TENM3: variants seen among roughly 807,000 people sequenced by gnomAD.
The protein encoded by TENM3 is teneurin-3.
A neutral mutation model predicts 255.1 loss-of-function variants in TENM3; 63 were observed. The observed-to-expected ratio is 0.25, with a 90% CI of 0.20 to 0.30. The LOEUF (loss-of-function observed/expected upper bound fraction) is 0.30. Among genes scored for constraint, TENM3 ranks in the 10% least tolerant of loss-of-function variants. The pLI is 1.00. For synonymous variants in TENM3, 1,306 were observed against 1,322.3 expected (o/e 0.99, Z 0.27); for missense variants, 2,929 against 3,461.1 (o/e 0.85, Z 3.86).
intron 1 of TENM3, among the ~76,000 whole-genome samples, chr4:182,207,136 G>A (rs1754637877): frequency 6.6e-6 from 1 of 152,204 alleles, no homozygotes; most frequent in Non-Finnish European, 1.5e-5. Flanking sequence ...ATTATGCTAT[G>A]CTTCTGAGGG....
intron 3 of TENM3, among the ~76,000 whole-genome samples, chr4:182,520,392 G>A (rs578023461): frequency 6.6e-6 from 1 of 152,278 alleles, no homozygotes; most frequent in African/African-American, 2.4e-5. Context: ...TAGAATCCTT[G>A]GTGTCTAGAC....
At chr4:181,692,819 T>C in the TENM3 span, among the ~76,000 whole-genome samples, 1 of 152,182 alleles carries the variant, frequency 6.6e-6, no homozygotes, top group Non-Finnish European at 1.5e-5. Context: ...ATTTGCTTAA[T>C]AACACTCTTA....
chr4:182,365,147 G>A (rs1766339822), intron 3 of TENM3, among the ~76,000 whole-genome samples: 2 of 152,182 alleles, frequency 1.3e-5, no homozygotes. Flanking sequence ...GTATTCGTTT[G>A]ATTAGTGAGT....
At chr4:181,846,581 T>G in the TENM3 span, among the ~76,000 whole-genome samples, 42 of 152,236 alleles carry the variant, frequency 2.8e-4, no homozygotes, top group African/African-American at 9.9e-4. Context: ...AACAATTGTT[T>G]GAAGATTATT....
intron 1 of TENM3, among the ~76,000 whole-genome samples, chr4:182,151,359 CTAAT>C (rs766550898): frequency 1.8e-4 from 28 of 152,030 alleles, no homozygotes; most frequent in Non-Finnish European, 3.4e-4. Flanking sequence ...GAAAAGTAAA[CTAAT>C]TGTTTATTTT....
At chr4:182,165,753 G>A (rs1045898789) in intron 1 of TENM3, among the ~76,000 whole-genome samples, 5 of 152,116 alleles carry the variant, frequency 3.3e-5, no homozygotes, top group African/African-American at 1.2e-4. Context: ...TCTTTTTTGG[G>A]GGGTGAAGCA....
intron 1 of TENM3, among the ~76,000 whole-genome samples, chr4:182,230,559 C>T (rs7684505): frequency 0.01 from 1,567 of 151,878 alleles, 23 homozygotes; most frequent in African/African-American, 0.036. Flanking sequence ...GCTGTCACAG[C>T]GCTGGCGTTC....
Position 182,789,885 on chromosome 4 carries a change from C to T in TENM3, c.5601+496C>T, listed in dbSNP as rs1229891883. Among the ~76,000 whole-genome samples the T allele has an allele frequency of 1.3e-5, 2 of 152,192 alleles. No homozygotes were observed. The highest frequency in any genetic ancestry group is 2.9e-5 in the Non-Finnish European group (2 of 68,028). ...CGATTTTCTTAGAAAGCCACACTTT[C>T]GGGTACTCTGTGGCATCTTTCCTTT... On this transcript the variant is annotated intron_variant, in intron 25 of 27. Transcript: ENST00000511685. The surrounding 1 kb of genome is among the most constrained non-coding windows in gnomAD (Gnocchi z 4.4).
intron 3 of TENM3, among the ~76,000 whole-genome samples, chr4:182,439,999 A>T (rs1772338517): frequency 6.6e-6 from 1 of 151,528 alleles, no homozygotes; most frequent in Non-Finnish European, 1.5e-5. Context: ...TCGTTTACTC[A>T]TTGCCTCTGA....
the TENM3 span, among the ~76,000 whole-genome samples, chr4:181,673,113 A>G: frequency 6.6e-6 from 1 of 152,220 alleles, no homozygotes; most frequent in East Asian, 1.9e-4. Context: ...CACAGTAGTC[A>G]CTAAAGTGAA....
rs1761733641 is a variant in TENM3, at chr4:182,743,192, G to A, written c.3402G>A (p.Gly1134=). Residue 1134 remains glycine (G), a synonymous_variant, in exon 19 of 28, where the codon GGG becomes GGA. Transcript: ENST00000511685. ...TAGGTATACTGTACAAGGGAAACGG[G>A]GAAAACCAGTTCATCTCCCAGCAGC... ...VQNGILYKGN[G]ENQFISQQPP... is the part of the protein sequence containing the mutation. 1 of 1,613,288 alleles carries A rather than the reference G, an allele frequency of 6.2e-7. No individual in the cohort carries two copies. The highest frequency in any genetic ancestry group is 8.5e-7 in the Non-Finnish European group (1 of 1,179,286).
chr4:182,030,553 G>A, the TENM3 span, among the ~76,000 whole-genome samples: 1 of 152,166 alleles, frequency 6.6e-6, no homozygotes, highest in Admixed American at 6.5e-5. Flanking sequence ...ACCTGTGCAT[G>A]TATCTTTATA....
chr4:181,911,596 C>T, the TENM3 span, among the ~76,000 whole-genome samples: 8 of 152,124 alleles, frequency 5.3e-5, no homozygotes, highest in East Asian at 1.9e-4. Context: ...ATTTGAGCAA[C>T]GGTTAAAAGT....
the TENM3 span, among the ~76,000 whole-genome samples, chr4:181,878,651 G>T: frequency 6.6e-6 from 1 of 151,698 alleles, no homozygotes; most frequent in Admixed American, 6.6e-5. Flanking sequence ...TAAGATGATG[G>T]CTCATCTGTC....
At chr4:182,310,280 C>G (rs1762367805) in intron 1 of TENM3, among the ~76,000 whole-genome samples, 1 of 152,044 alleles carries the variant, frequency 6.6e-6, no homozygotes, top group African/African-American at 2.4e-5. Context: ...AGGCTGGTCT[C>G]AAACTCCTGG....
chr4:181,452,777 G>A, the TENM3 span, among the ~76,000 whole-genome samples: 1 of 152,160 alleles, frequency 6.6e-6, no homozygotes, highest in Admixed American at 6.6e-5. Context: ...AAGGAAAAGG[G>A]CTAACACTTT....
chr4:182,112,673 C>T, the TENM3 span, among the ~76,000 whole-genome samples: 2 of 152,164 alleles, frequency 1.3e-5, no homozygotes, highest in Admixed American at 1.3e-4. Context: ...CCTCCTTGTT[C>T]AATAAATGCC....
intron 3 of TENM3, among the ~76,000 whole-genome samples, chr4:182,393,091 C>G (rs575575645): frequency 6.6e-6 from 1 of 152,126 alleles, no homozygotes; most frequent in Admixed American, 6.5e-5. Context: ...TTTCCATCAC[C>G]GTCTGTGTAG....
At chr4:181,979,872 C>A in the TENM3 span, among the ~76,000 whole-genome samples, 1 of 151,964 alleles carries the variant, frequency 6.6e-6, no homozygotes, top group Non-Finnish European at 1.5e-5. Flanking sequence ...TTTGTTTGTT[C>A]GTTTTAGTTT....
Sources: gnomAD v4.1 joint callset for allele counts (sites outside exome capture counted in the v4.1 genomes callset) on GRCh38, gnomAD v4.1.1 for gene constraint, Gnocchi (gnomAD v3.1) non-coding constraint, MANE v1.5 for transcripts, NCBI Gene and HGNC (gene_info 2026-07-23, HGNC 2026-07-21) for gene names.